FILIP1: variants seen among roughly 807,000 people sequenced by gnomAD.
FILIP1 encodes filamin A interacting protein 1.
In FILIP1, 61 loss-of-function variants were observed where a neutral mutation model predicts 102.1. The observed-to-expected ratio is 0.60, with a 90% CI of 0.49 to 0.74. FILIP1 has a LOEUF of 0.74. Ranked by LOEUF, FILIP1 falls within the 30% of genes least tolerant of loss-of-function variation. FILIP1 has a pLI of 0.00. For synonymous variants in FILIP1, 491 were observed against 526.9 expected, an observed-to-expected ratio of 0.93 and a Z score of 0.93; for missense variants, 1,314 against 1,441.2, an observed-to-expected ratio of 0.91 and a Z score of 1.43.
chr6:75,379,776 T>C (rs1252523132), intron 2 of FILIP1, among the ~76,000 whole-genome samples: 1 of 152,214 alleles, frequency 6.6e-6, no homozygotes, highest in African/African-American at 2.4e-5. Flanking sequence ...TCCCATCTTC[T>C]TTAGGTCTTT....
chr6:75,462,072 C>T (rs1250360338), intron 1 of FILIP1, among the ~76,000 whole-genome samples: 1 of 152,186 alleles, frequency 6.6e-6, no homozygotes, highest in African/African-American at 2.4e-5. Flanking sequence ...CTTCAGTCTC[C>T]TTTTCATGCC....
chr6:75,454,888 GTTT>G (rs1336033215), intron 1 of FILIP1: 2 of 152,088 alleles, frequency 1.3e-5, no homozygotes, highest in Non-Finnish European at 2.9e-5. Flanking sequence ...AACAAGAAAT[GTTT>G]GTTTTGAGGG....
At chr6:75,302,823 C>CATGACATGAT (rs1554197447) in intron 6 of FILIP1, among the ~76,000 whole-genome samples, 3 of 149,100 alleles carry the variant, frequency 2.0e-5, no homozygotes, top group Non-Finnish European at 3.0e-5. Flanking sequence ...TATGATATGA[C>CATGACATGAT]ATGATATGAT....
chr6:75,423,800 A>G (rs1251881192), intron 1 of FILIP1, among the ~76,000 whole-genome samples: 1 of 152,060 alleles, frequency 6.6e-6, no homozygotes, highest in Non-Finnish European at 1.5e-5. Context: ...TGCTGGGAAA[A>G]CACTTCCACA....
chr6:75,355,448 C>T (rs1475842061), intron 3 of FILIP1, among the ~76,000 whole-genome samples: 1 of 145,894 alleles, frequency 6.9e-6, no homozygotes. Flanking sequence ...GGCTGGAGTG[C>T]AGTGGCACGA....
chr6:75,347,299 T>C (rs1038139144), intron 4 of FILIP1, among the ~76,000 whole-genome samples: 1 of 152,244 alleles, frequency 6.6e-6, no homozygotes, highest in Non-Finnish European at 1.5e-5. Flanking sequence ...ACATATCTTA[T>C]AGTTTTGTAA....
chr6:75,368,251 CAT>C (rs1775405467), intron 2 of FILIP1, among the ~76,000 whole-genome samples: 1 of 152,150 alleles, frequency 6.6e-6, no homozygotes, highest in Non-Finnish European at 1.5e-5. Flanking sequence ...TGATTCAAAA[CAT>C]GTGGGGGCAG....
chr6:75,353,817 G>T, intron 3 of FILIP1, 100 bp from the exon 4 acceptor site: 1 of 1,176,414 alleles, frequency 8.5e-7, no homozygotes, highest in Non-Finnish European at 1.2e-6. Context: ...TTACCTGAAA[G>T]CGAGAACAGT....
chr6:75,383,102 A>G (rs1167465593), intron 2 of FILIP1, among the ~76,000 whole-genome samples: 1 of 152,064 alleles, frequency 6.6e-6, no homozygotes, highest in Non-Finnish European at 1.5e-5. Context: ...TGTCTCTTTA[A>G]AACTGGAGCT....
At chr6:75,404,160 C>T (rs1776754789) in intron 2 of FILIP1, among the ~76,000 whole-genome samples, 1 of 151,962 alleles carries the variant, frequency 6.6e-6, no homozygotes, top group African/African-American at 2.4e-5. Flanking sequence ...TCACTTGAGC[C>T]CAGGAGTTGG....
intron 4 of FILIP1, among the ~76,000 whole-genome samples, chr6:75,329,178 C>A (rs16886475): frequency 0.17 from 26,318 of 152,168 alleles, 2,329 homozygotes; most frequent in South Asian, 0.25. Context: ...GTGATAACCA[C>A]CATCCTTGGA....
intron 2 of FILIP1, among the ~76,000 whole-genome samples, chr6:75,380,405 G>C (rs1232850099): frequency 6.7e-6 from 1 of 148,780 alleles, no homozygotes; most frequent in Non-Finnish European, 1.5e-5. Flanking sequence ...AACAACTAAA[G>C]AATTATAAAT....
intron 2 of FILIP1, among the ~76,000 whole-genome samples, chr6:75,392,766 G>T (rs1339863139): frequency 6.6e-6 from 1 of 152,048 alleles, no homozygotes; most frequent in African/African-American, 2.4e-5. Context: ...GAATCATGGG[G>T]GCAGGTCTTT....
chr6:75,335,238 A>C (rs982971115), intron 4 of FILIP1, among the ~76,000 whole-genome samples: 5 of 152,162 alleles, frequency 3.3e-5, no homozygotes, highest in Non-Finnish European at 7.3e-5. Context: ...GTATGGCTAC[A>C]GAATGCCAAG....
At chr6:75,485,996 CAT>C (rs376081513) in intron 1 of FILIP1, among the ~76,000 whole-genome samples, 28,674 of 133,036 alleles carry the variant, frequency 0.22, 3,002 homozygotes, top group African/African-American at 0.37. Flanking sequence ...CACACACACA[CAT>C]ACACACACAC....
intron 1 of FILIP1, among the ~76,000 whole-genome samples, chr6:75,423,189 G>C (rs2998383): frequency 6.6e-6 from 1 of 151,960 alleles, no homozygotes; most frequent in Non-Finnish European, 1.5e-5. Context: ...ACCATTCTAC[G>C]TTGTACAGCA....
intron 3 of FILIP1, among the ~76,000 whole-genome samples, chr6:75,359,915 C>A (rs778874627): frequency 9.9e-5 from 15 of 152,160 alleles, no homozygotes; most frequent in Non-Finnish European, 1.5e-4. Context: ...CTTAAATACT[C>A]AGGTGGGAAA....
Position 75,315,175 on chromosome 6 carries a change from CT to C in FILIP1, c.656del (p.Lys219ArgfsTer18). The C allele has an allele frequency of 6.4e-7, 1 of 1,560,284 alleles. No individual in the cohort carries two copies. The highest frequency in any genetic ancestry group is 2.1e-5 in the Admixed American group (1 of 46,948). ...ERLKKLLEQE[K>X]AYQARKEKEN... ...CCTTTTCTTTGCGGGCTTGATAAGCCTTTTCTTGTTCAAGGAGCTTTTTTAA... is the reference window on the plus strand; with the variant it reads ...CCTTTTCTTTGCGGGCTTGATAAGCCTTTCTTGTTCAAGGAGCTTTTTTAA... On this transcript the variant is annotated frameshift_variant, in exon 5 of 6. Coordinates refer to ENST00000237172, the MANE Select transcript of FILIP1 (RefSeq NM_015687.5). LOFTEE classifies it high-confidence loss of function.
chr6:75,431,748 A>C (rs1328187354), intron 1 of FILIP1, among the ~76,000 whole-genome samples: 2 of 152,178 alleles, frequency 1.3e-5, no homozygotes, highest in African/African-American at 4.8e-5. Flanking sequence ...TCCTGGGCCA[A>C]CTGAGGTAAC....
Sources: gnomAD v4.1 joint callset for allele counts (sites outside exome capture counted in the v4.1 genomes callset) on GRCh38, gnomAD v4.1.1 for gene constraint, MANE v1.5 for transcripts, NCBI Gene and HGNC (gene_info 2026-07-23, HGNC 2026-07-21) for gene names.